The following NYAP2 variants were observed in gnomAD, a reference collection of about 807,000 sequenced individuals.
NYAP2 encodes the protein neuronal tyrosine-phosphorylated phosphoinositide-3-kinase adapter 2.
Under a neutral mutation model 50.4 loss-of-function variants are expected in NYAP2, and 23 were observed. That is an observed-to-expected ratio of 0.46 (90% CI 0.33 to 0.65). The LOEUF (loss-of-function observed/expected upper bound fraction) is 0.65, where lower values mean the gene tolerates loss of function less well. NYAP2 is among the 30% of genes least tolerant of loss of function. NYAP2 has a pLI of 0.02. For missense variants in NYAP2, 885 were observed against 861.0 expected (o/e 1.03, Z -0.35); for synonymous variants, 394 against 365.2 (o/e 1.08, Z -0.90).
intron 5 of NYAP2, among the ~76,000 whole-genome samples, chr2:225,614,239 T>C (rs1248421680): frequency 6.6e-6 from 1 of 152,228 alleles, no homozygotes; most frequent in East Asian, 1.9e-4. Context: ...TAAGTATAGC[T>C]GATTTATATC....
intron 3 of NYAP2, among the ~76,000 whole-genome samples, chr2:225,511,367 C>CAGAG (rs1299528301): frequency 1.1e-4 from 15 of 137,004 alleles, no homozygotes; most frequent in South Asian, 2.4e-4. Flanking sequence ...CACACACACA[C>CAGAG]ACACACAGAG....
chr2:225,513,128 T>C (rs74496456), intron 3 of NYAP2, among the ~76,000 whole-genome samples: 4,313 of 152,192 alleles, frequency 0.028, 212 homozygotes, highest in African/African-American at 0.099. Flanking sequence ...TTACCTAAAG[T>C]AAATATAAAG....
chr2:225,640,926 A>G (rs1693516486), intron 6 of NYAP2, among the ~76,000 whole-genome samples: 1 of 152,214 alleles, frequency 6.6e-6, no homozygotes, highest in Non-Finnish European at 1.5e-5. Flanking sequence ...CATTCTCAGT[A>G]GAGAAATTCT....
At chr2:225,663,158 A>T in the NYAP2 span, among the ~76,000 whole-genome samples, 1 of 152,338 alleles carries the variant, frequency 6.6e-6, no homozygotes. Flanking sequence ...AGATGGGCCC[A>T]GGAAACCAGT....
chr2:225,442,646 G>A (rs1187865166), intron 3 of NYAP2, among the ~76,000 whole-genome samples: 1 of 152,046 alleles, frequency 6.6e-6, no homozygotes, highest in African/African-American at 2.4e-5. Flanking sequence ...CACCATCTCG[G>A]CTCACTGCAT....
At chr2:225,423,767 A>G (rs930225721) in intron 3 of NYAP2, among the ~76,000 whole-genome samples, 1 of 152,200 alleles carries the variant, frequency 6.6e-6, no homozygotes, top group Non-Finnish European at 1.5e-5. Flanking sequence ...TCCATGTGCC[A>G]ACTAGCAACT....
At chr2:225,533,690 A>G (rs779291287) in intron 4 of NYAP2, among the ~76,000 whole-genome samples, 3 of 150,158 alleles carry the variant, frequency 2.0e-5, no homozygotes, top group Non-Finnish European at 4.5e-5. Context: ...CTCTGTCTCA[A>G]AAAAAAAAAG....
chr2:225,496,521 CTT>C (rs1690508954), intron 3 of NYAP2, among the ~76,000 whole-genome samples: 1 of 152,058 alleles, frequency 6.6e-6, no homozygotes, highest in East Asian at 1.9e-4. Context: ...TTTGCAAACT[CTT>C]TAAGAAAAAA....
intron 4 of NYAP2, among the ~76,000 whole-genome samples, chr2:225,558,034 T>G (rs1691808193): frequency 1.3e-5 from 2 of 152,216 alleles, no homozygotes; most frequent in South Asian, 2.1e-4. Context: ...CTGCTCTGCC[T>G]GTGTACTGCT....
the NYAP2 span, among the ~76,000 whole-genome samples, chr2:225,665,893 G>C: frequency 9.4e-5 from 13 of 138,582 alleles, no homozygotes; most frequent in African/African-American, 2.7e-4. Context: ...GCCTAGAGTA[G>C]AGCACATCAC....
chr2:225,652,338 G>A (rs1423201936), exon 7 of NYAP2: 1 of 152,158 alleles, frequency 6.6e-6, no homozygotes, highest in Non-Finnish European at 1.5e-5. Context: ...GGGAATGTAA[G>A]TGTTCATGCA....
chr2:225,700,054 G>A, the NYAP2 span: 2 of 151,802 alleles, frequency 1.3e-5, no homozygotes, highest in African/African-American at 4.8e-5. Flanking sequence ...GGTATTGACA[G>A]CAATAGTTCA....
At chr2:225,477,939 T>G (rs1310570511) in intron 3 of NYAP2, among the ~76,000 whole-genome samples, 1 of 152,156 alleles carries the variant, frequency 6.6e-6, no homozygotes, top group Non-Finnish European at 1.5e-5. Context: ...ACTGCCTTTA[T>G]CAATCCTTGT....
At chr2:225,617,765 G>A (rs910205319) in intron 5 of NYAP2, among the ~76,000 whole-genome samples, 7 of 152,138 alleles carry the variant, frequency 4.6e-5, no homozygotes, top group Non-Finnish European at 1.0e-4. Flanking sequence ...GTTATTGAGG[G>A]CTATTGGTTT....
chr2:225,427,619 C>T (rs1472957469), intron 3 of NYAP2, among the ~76,000 whole-genome samples: 1 of 152,214 alleles, frequency 6.6e-6, no homozygotes, highest in African/African-American at 2.4e-5. Context: ...TGGTATCTCA[C>T]TGAAACCTTC....
intron 3 of NYAP2, among the ~76,000 whole-genome samples, chr2:225,426,597 T>C (rs1460653214): frequency 1.3e-5 from 2 of 152,224 alleles, no homozygotes; most frequent in East Asian, 3.8e-4. Context: ...AAGTGCTTAC[T>C]CAACCCTTAC....
At chr2:225,416,598 C>G (rs1401579835) in intron 3 of NYAP2, among the ~76,000 whole-genome samples, 5 of 152,036 alleles carry the variant, frequency 3.3e-5, no homozygotes, top group Non-Finnish European at 7.4e-5. Flanking sequence ...CATCTAGTCA[C>G]CTGCCAGGAC....
intron 4 of NYAP2, among the ~76,000 whole-genome samples, chr2:225,565,901 T>TAA (rs139427253): frequency 5.3e-5 from 8 of 152,038 alleles, no homozygotes; most frequent in African/African-American, 1.7e-4. Flanking sequence ...TAAAAAACGG[T>TAA]AAAAAAATGC....
In NYAP2 at chr2:225,566,420, G is replaced by A. The variant is rs568583604; in HGVS notation, c.524-15521G>A. ...CCTCAGTAGACTGTATCTATGAAACGGCAGGGATTCAGCTTCTACAGAGTT... is the reference window on the plus strand; with the variant it reads ...CCTCAGTAGACTGTATCTATGAAACAGCAGGGATTCAGCTTCTACAGAGTT... On this transcript the variant is annotated intron_variant, in intron 4 of 6. Transcript: ENST00000636099. 7.9e-5 allele frequency among the ~76,000 whole-genome samples: 12 copies of A among 152,284 alleles called. No individual in the cohort carries two copies. In the South Asian group the frequency reaches 2.1e-3, roughly 26 times the overall value.
Sources: gnomAD v4.1 joint callset for allele counts (sites outside exome capture counted in the v4.1 genomes callset) on GRCh38, gnomAD v4.1.1 for gene constraint, MANE v1.5 for transcripts, NCBI Gene and HGNC (gene_info 2026-07-23, HGNC 2026-07-21) for gene names.